Variants in SLC22A15 observed in about 807,000 individuals in gnomAD.
SLC22A15 encodes solute carrier family 22 member 15.
SLC22A15 carries 45 observed loss-of-function variants against 62.7 expected under a neutral mutation model. The observed-to-expected ratio is 0.72, with a 90% CI of 0.56 to 0.92. The LOEUF is 0.92. Among genes scored for constraint, SLC22A15 ranks in the 40% least tolerant of loss-of-function variants. The probability of loss-of-function intolerance (pLI) is 0.00; values close to 1 mark genes in which losing one functional copy is unlikely to be tolerated. For synonymous variants in SLC22A15, 264 were observed against 267.0 expected, an observed-to-expected ratio of 0.99 and a Z score of 0.11; for missense variants, 622 against 665.6, an observed-to-expected ratio of 0.93 and a Z score of 0.72.
chr1:116,047,564 G>C (rs2335403), intron 8 of SLC22A15, among the ~76,000 whole-genome samples: 150,204 of 152,290 alleles, frequency 0.99, 74,112 homozygotes, highest in Middle Eastern at 1. Context: ...GGACTCTATA[G>C]AGACAACCCC....
At chr1:115,998,180 T>G (rs186641498) in intron 2 of SLC22A15, among the ~76,000 whole-genome samples, 35 of 152,302 alleles carry the variant, frequency 2.3e-4, no homozygotes, top group African/African-American at 7.7e-4. Flanking sequence ...GAATTTGGTT[T>G]GCTAGTATTT....
chr1:116,005,052 T>C (rs1655909623), intron 2 of SLC22A15, among the ~76,000 whole-genome samples: 1 of 152,178 alleles, frequency 6.6e-6, no homozygotes, highest in South Asian at 2.1e-4. Flanking sequence ...CATTTGTGTC[T>C]TTTTTTCTTA....
rs1416337662 is a variant in SLC22A15 at position 116,022,445 on chromosome 1, A to T, written c.598+1560A>T. ...TTTCCTGAGGTCCAAAATTGTGCTC[A>T]TGTAGAGCACCATGAATACATATTT... On this transcript the variant is annotated intron_variant, in intron 4 of 11. Transcript: ENST00000369503. 2.6e-5 allele frequency among the ~76,000 whole-genome samples: 4 copies of T among 152,324 alleles called. No homozygotes were observed. In the East Asian group the frequency reaches 5.8e-4, roughly 22 times the overall value.
Position 116,004,213 on chromosome 1 carries a change from G to A in SLC22A15, c.300+11970G>A, listed in dbSNP as rs566055825. Reference sequence around the variant, plus strand: ...ATAAAGCCTTCTTCCCTGGCAATACGTGTTGTCTCAGTGATTGGTTTTCTG... The same window carrying A: ...ATAAAGCCTTCTTCCCTGGCAATACATGTTGTCTCAGTGATTGGTTTTCTG... On this transcript the variant is annotated intron_variant, in intron 2 of 11. Transcript: ENST00000369503. Among the ~76,000 whole-genome samples the A allele has an allele frequency of 3.3e-5, 5 of 152,114 alleles. No individual in the cohort carries two copies. The South Asian group carries it at 6.2e-4, about 19-fold the overall frequency.
At chr1:116,013,756 AT>A (rs1656394134) in intron 2 of SLC22A15, 1 of 152,224 alleles carries the variant, frequency 6.6e-6, no homozygotes, top group Non-Finnish European at 1.5e-5. Context: ...CTAAAGATAC[AT>A]TTGGTTGCTT....
In SLC22A15 at chr1:116,020,880, T is replaced by C. The variant is rs1490063890; in HGVS notation, c.593T>C (p.Leu198Pro). The change falls in exon 4 of 12, where the codon CTT becomes CCT. Residue 198 changes from leucine (L) to proline (P), a missense_variant. Coordinates refer to ENST00000369503, the MANE Select transcript of SLC22A15 (RefSeq NM_018420.3). ...TGTGTGGGCACCGCCTACTGGGCAC[T>C]TGCAGGTACTACTTAAATCATGCAG... ...NECVGTAYWA[L>P]AGSIGGLFFA... 5 of 1,610,526 alleles carry C rather than the reference T, an allele frequency of 3.1e-6. No individual in the cohort carries two copies. The highest frequency in any genetic ancestry group is 4.2e-6 in the Non-Finnish European group (5 of 1,178,086).
chr1:116,057,041 C>A (rs1658228542), intron 8 of SLC22A15, among the ~76,000 whole-genome samples: 1 of 151,784 alleles, frequency 6.6e-6, no homozygotes, highest in Admixed American at 6.6e-5. Context: ...GCAACAAAAG[C>A]CAAAATTGAC....
chr1:116,025,660 G>A (rs142476858), intron 4 of SLC22A15, among the ~76,000 whole-genome samples: 63 of 152,298 alleles, frequency 4.1e-4, no homozygotes, highest in Non-Finnish European at 8.5e-4. Context: ...CAGAACCTGG[G>A]CACAAGTCCT....
intron 2 of SLC22A15, among the ~76,000 whole-genome samples, chr1:116,014,855 A>C (rs1656446507): frequency 1.3e-5 from 2 of 152,206 alleles, no homozygotes; most frequent in South Asian, 4.1e-4. Context: ...GTTTTATCCT[A>C]GTACTAAGTA....
chr1:115,985,140 A>C (rs1654795642), intron 1 of SLC22A15, among the ~76,000 whole-genome samples: 1 of 152,224 alleles, frequency 6.6e-6, no homozygotes, highest in Non-Finnish European at 1.5e-5. Context: ...GGCAACTTCC[A>C]GTCCCGCAGG....
chr1:116,056,787 G>T (rs1286381274), intron 8 of SLC22A15, among the ~76,000 whole-genome samples: 2 of 152,152 alleles, frequency 1.3e-5, no homozygotes, highest in African/African-American at 4.8e-5. Context: ...ACAAAGCTGA[G>T]AAAAACAAGA....
At chr1:116,058,753 T>C (rs1208982630) in intron 8 of SLC22A15, among the ~76,000 whole-genome samples, 2 of 152,160 alleles carry the variant, frequency 1.3e-5, no homozygotes, top group Admixed American at 6.6e-5. Flanking sequence ...AAAGACACCA[T>C]GGTATATATA....
intron 8 of SLC22A15, among the ~76,000 whole-genome samples, chr1:116,061,613 C>T (rs1310697002): frequency 6.6e-6 from 1 of 151,256 alleles, no homozygotes; most frequent in Non-Finnish European, 1.5e-5. Flanking sequence ...AACTTTTTTG[C>T]CTCATAAGAA....
At position 116,067,261 on chromosome 1, in the gene SLC22A15, CAG is replaced by C; in HGVS notation, c.*155_*156del. 1.7e-6 allele frequency: 1 copy of C among 602,992 alleles called. No homozygotes were observed. The highest frequency in any genetic ancestry group is 2.2e-5 in the South Asian group (1 of 45,984). 37.4% of individuals were successfully genotyped at this position (602,992 alleles called of 1,614,324 possible). A position where few individuals can be genotyped will look rare whatever the true frequency, so the allele number is the denominator to read the frequency against. On this transcript the variant is annotated 3_prime_UTR_variant, in exon 12 of 12. Coordinates refer to ENST00000369503, the MANE Select transcript of SLC22A15 (RefSeq NM_018420.3). The stretch of plus-strand genomic sequence containing the variant: ...TGGCATGGACTGATGTTTTTAGGCA[CAG>C]AAGTTGGAGAAGAGATTTCATGAAA...
chr1:115,983,767 G>A (rs1267265844), intron 1 of SLC22A15, among the ~76,000 whole-genome samples: 1 of 152,180 alleles, frequency 6.6e-6, no homozygotes, highest in African/African-American at 2.4e-5. Flanking sequence ...GGATCCATGG[G>A]AAGGTGGAGT....
At chr1:116,047,630 C>T (rs770801791) in intron 8 of SLC22A15, among the ~76,000 whole-genome samples, 18 of 152,072 alleles carry the variant, frequency 1.2e-4, no homozygotes, top group Non-Finnish European at 2.5e-4. Flanking sequence ...AGAAGAGAGA[C>T]AACAATCACT....
chr1:116,058,636 A>C (rs1658292210), intron 8 of SLC22A15, among the ~76,000 whole-genome samples: 1 of 152,218 alleles, frequency 6.6e-6, no homozygotes, highest in Non-Finnish European at 1.5e-5. Context: ...AGAGGAAAAG[A>C]AATCATTATT....
intron 2 of SLC22A15, among the ~76,000 whole-genome samples, chr1:115,995,658 G>C (rs1655385927): frequency 6.6e-6 from 1 of 152,106 alleles, no homozygotes; most frequent in Non-Finnish European, 1.5e-5. Flanking sequence ...GTCTGTCTCT[G>C]TCTGCCTATT....
At chr1:116,044,337 C>T (rs905314365) in intron 8 of SLC22A15, among the ~76,000 whole-genome samples, 4 of 152,198 alleles carry the variant, frequency 2.6e-5, no homozygotes, top group Non-Finnish European at 2.9e-5. Context: ...CTTTGGCTTA[C>T]GCCTGTAATC....
Sources: allele counts gnomAD v4.1 joint callset (sites outside exome capture counted in the v4.1 genomes callset), GRCh38; gene constraint gnomAD v4.1.1; transcripts MANE v1.5; gene names NCBI Gene and HGNC (gene_info 2026-07-23, HGNC 2026-07-21).